USP25: variants seen among roughly 807,000 people sequenced by gnomAD.
USP25 encodes the protein ubiquitin carboxyl-terminal hydrolase 25.
Under a neutral mutation model 158.5 loss-of-function variants are expected in USP25, and 85 were observed. The ratio of observed to expected loss-of-function variants is 0.54; its 90% CI spans 0.45 to 0.64. The LOEUF (loss-of-function observed/expected upper bound fraction) is 0.64. Ranked by LOEUF, USP25 falls within the 30% of genes least tolerant of loss-of-function variation. USP25 has a pLI of 0.00. For synonymous variants in USP25, 464 were observed against 460.4 expected (o/e 1.01, Z -0.10); for missense variants, 1,242 against 1,327.3 (o/e 0.94, Z 1.00).
rs1231483090 is a variant in USP25, at chr21:15,849,878, A to G, written c.2547+6A>G. 12 of 1,478,438 alleles carry G rather than the reference A, an allele frequency of 8.1e-6. No homozygotes were observed. The highest frequency in any genetic ancestry group is 2.8e-5 in the South Asian group (2 of 71,570). The allele number at this position is 1,478,438 out of a possible 1,614,324, so 91.6% of individuals were successfully genotyped here. On this transcript the variant is annotated splice_donor_region_variant and intron_variant, in intron 20 of 25. Coordinates refer to ENST00000400183, the MANE Select transcript of USP25 (RefSeq NM_001283041.3). The stretch of plus-strand genomic sequence containing the variant: ...CTGAAGCAGGGTTCTTTAAGGTACA[A>G]TGAACATTTTCATTTTCGTGTCTTT...
chr21:15,859,003 T>C (rs1303416758), intron 20 of USP25, among the ~76,000 whole-genome samples: 1 of 151,668 alleles, frequency 6.6e-6, no homozygotes, highest in Non-Finnish European at 1.5e-5. Flanking sequence ...TTATCTCATA[T>C]ATTTTTTGTA....
intron 3 of USP25, among the ~76,000 whole-genome samples, chr21:15,777,246 TTTAAA>T (rs556652882): frequency 1.6e-4 from 25 of 152,338 alleles, no homozygotes; most frequent in African/African-American, 5.5e-4. Flanking sequence ...AGAATCTTGT[TTTAAA>T]TTAAAAGGAC....
chr21:15,808,191 G>T (rs542656891), intron 7 of USP25, among the ~76,000 whole-genome samples: 1 of 152,172 alleles, frequency 6.6e-6, no homozygotes, highest in Non-Finnish European at 1.5e-5. Flanking sequence ...TCCAACTCAC[G>T]TTATTGAAAG....
At chr21:15,777,169 A>G (rs373872651) in intron 3 of USP25, among the ~76,000 whole-genome samples, 43 of 152,352 alleles carry the variant, frequency 2.8e-4, no homozygotes, top group Middle Eastern at 3.4e-3. Context: ...ACTTAATAGC[A>G]TCAAGGCTAT....
chr21:15,788,057 A>G (rs189719464), intron 4 of USP25, among the ~76,000 whole-genome samples: 38 of 152,106 alleles, frequency 2.5e-4, no homozygotes, highest in African/African-American at 9.1e-4. Context: ...TACCAAGGTC[A>G]TGACCAATTT....
chr21:15,793,906 T>C (rs1275618449), intron 5 of USP25, among the ~76,000 whole-genome samples: 1 of 151,730 alleles, frequency 6.6e-6, no homozygotes, highest in Non-Finnish European at 1.5e-5. Context: ...CTCTAAGCTA[T>C]AAACTGAGAT....
rs989981161 is a variant in USP25 at position 15,812,030 on chromosome 21, G to C, written c.931+820G>C. On this transcript the variant is annotated intron_variant, in intron 9 of 25. Coordinates refer to ENST00000400183, the MANE Select transcript of USP25 (RefSeq NM_001283041.3). The stretch of plus-strand genomic sequence containing the variant: ...AGAAAAAGACAATACTAACTCAGAT[G>C]TTGGCCCTTTAAAAAGTCTTAGTGA... Among the ~76,000 whole-genome samples, 4 of 152,088 alleles carry C rather than the reference G, an allele frequency of 2.6e-5. 1 individual carries two copies. The highest frequency in any genetic ancestry group is 1.3e-4 in the Admixed American group (2 of 15,286).
chr21:15,768,769 A>G (rs2034181185), intron 3 of USP25, among the ~76,000 whole-genome samples: 1 of 152,086 alleles, frequency 6.6e-6, no homozygotes, highest in African/African-American at 2.4e-5. Context: ...TTAAAGGTTG[A>G]CCACAGTTTC....
At chr21:15,825,688 T>G (rs1446720532) in intron 12 of USP25, among the ~76,000 whole-genome samples, 1 of 152,198 alleles carries the variant, frequency 6.6e-6, no homozygotes, top group African/African-American at 2.4e-5. Context: ...TCATTTCAGT[T>G]TGCAAACCCC....
chr21:15,769,595 C>T (rs2034233383), intron 3 of USP25, among the ~76,000 whole-genome samples: 1 of 152,040 alleles, frequency 6.6e-6, no homozygotes, highest in South Asian at 2.1e-4. Flanking sequence ...GAGACCAGGA[C>T]ACGATACCCG....
chr21:15,810,552 G>C (rs574990280), intron 8 of USP25, among the ~76,000 whole-genome samples: 3 of 152,214 alleles, frequency 2.0e-5, no homozygotes, highest in African/African-American at 7.2e-5. Flanking sequence ...TAAATGACTT[G>C]GAAAATTTGT....
At chr21:15,747,072 G>C (rs1336966522) in intron 1 of USP25, among the ~76,000 whole-genome samples, 1 of 151,940 alleles carries the variant, frequency 6.6e-6, no homozygotes, top group Admixed American at 6.6e-5. Flanking sequence ...ATATATTTAT[G>C]GTCCACTGTG....
At chr21:15,779,842 C>G (rs946149879) in intron 4 of USP25, among the ~76,000 whole-genome samples, 2 of 151,962 alleles carry the variant, frequency 1.3e-5, no homozygotes, top group Non-Finnish European at 2.9e-5. Context: ...TAAAGCTATG[C>G]TCCCTAGAAG....
rs1010392638 is a variant in USP25 at position 15,740,440 on chromosome 21, A to G, written c.45+10002A>G. On this transcript the variant is annotated intron_variant, in intron 1 of 25. Coordinates refer to ENST00000400183, the MANE Select transcript of USP25 (RefSeq NM_001283041.3). ...GGTGTTTCTCTCCATCAGTGCAGCA[A>G]CATGTTTCCTTGTAGAGGAGCTGTC... is the stretch of plus-strand genomic sequence containing the variant. Among the ~76,000 whole-genome samples, 7 of 152,116 alleles carry G rather than the reference A, an allele frequency of 4.6e-5. No individual in the cohort carries two copies. The East Asian group carries it at 1.3e-3, about 29-fold the overall frequency.
At position 15,766,829 on chromosome 21, in the gene USP25, C is replaced by T. The variant is rs1304852580; in HGVS notation, c.268+688C>T. Among the ~76,000 whole-genome samples, 1 of 151,734 alleles carries T rather than the reference C, an allele frequency of 6.6e-6. No homozygotes were observed. The highest frequency in any genetic ancestry group is 1.9e-4 in the East Asian group (1 of 5,176). On this transcript the variant is annotated intron_variant, in intron 3 of 25. Coordinates refer to ENST00000400183, the MANE Select transcript of USP25 (RefSeq NM_001283041.3). The surrounding 1 kb of genome is among the most constrained non-coding windows in gnomAD (Gnocchi z 4.0). ...TACATAAAAATAGTTACTTTTATGC[C>T]TTATGGATTTGCAAAGTTTGATTAT...
chr21:15,745,718 C>T (rs901472876), intron 1 of USP25, among the ~76,000 whole-genome samples: 3 of 152,180 alleles, frequency 2.0e-5, no homozygotes, highest in South Asian at 2.1e-4. Context: ...TCAGGTGATC[C>T]GCCCGCCTCG....
rs745647932 is a variant in USP25, at chr21:15,842,404, C to T, written c.2201C>T (p.Ala734Val). 6.2e-7 allele frequency: 1 copy of T among 1,613,292 alleles called. No homozygotes were observed. The highest frequency in any genetic ancestry group is 8.5e-7 in the Non-Finnish European group (1 of 1,179,586). Residue 734 changes from alanine (A) to valine (V), a missense_variant, in exon 18 of 26, where the codon GCA becomes GTA. By Grantham distance (64) the Ala-to-Val change is moderately conservative. This residue lies in a region of USP25 where 608 missense variants were observed against 605.2 expected (regional missense o/e 1.00). Transcript: ENST00000400183. ...ESETSVTTAQ[A>V]AGDPEYLEQP... ...TGATTCTTTTCTCATGAAGCACAAG[C>T]AGCAGGAGACCCAGAATATCTAGAG... is the stretch of plus-strand genomic sequence containing the variant.
At chr21:15,876,950 C>T (rs1401150184) in intron 24 of USP25, 1 of 151,668 alleles carries the variant, frequency 6.6e-6, no homozygotes, top group Non-Finnish European at 1.5e-5. Context: ...GGTCTTATAC[C>T]TGTATTTATC....
intron 1 of USP25, among the ~76,000 whole-genome samples, chr21:15,747,369 A>G (rs1458383668): frequency 2.0e-5 from 3 of 151,856 alleles, no homozygotes; most frequent in African/African-American, 7.3e-5. Flanking sequence ...TATACCATAT[A>G]TAGTATGGTT....
Sources: gnomAD v4.1 joint callset for allele counts (sites outside exome capture counted in the v4.1 genomes callset) on GRCh38, gnomAD v4.1.1 for gene constraint, gnomAD v4.1.1 regional missense constraint, Gnocchi (gnomAD v3.1) non-coding constraint, MANE v1.5 for transcripts, NCBI Gene and HGNC (gene_info 2026-07-23, HGNC 2026-07-21) for gene names.